The following KAZN variants were observed in gnomAD, a reference collection of about 807,000 sequenced individuals.
KAZN encodes kazrin, periplakin interacting protein.
KAZN carries 40 observed loss-of-function variants against 87.4 expected under a neutral mutation model. The observed-to-expected ratio is 0.46, with a 90% CI of 0.36 to 0.60. The LOEUF (loss-of-function observed/expected upper bound fraction) is 0.60, where lower values mean the gene tolerates loss of function less well. Ranked by LOEUF, KAZN falls within the 20% of genes least tolerant of loss-of-function variation. KAZN has a pLI of 0.00. For synonymous variants in KAZN, 466 were observed against 458.3 expected, an observed-to-expected ratio of 1.02 and a Z score of -0.22; for missense variants, 898 against 1,073.9, an observed-to-expected ratio of 0.84 and a Z score of 2.29.
At chr1:14,141,819 A>G (rs1645245956) in intron 1 of KAZN, among the ~76,000 whole-genome samples, 1 of 152,194 alleles carries the variant, frequency 6.6e-6, no homozygotes, top group Non-Finnish European at 1.5e-5. Context: ...ACATCTGTGC[A>G]TGGATAATGG....
intron 2 of KAZN, among the ~76,000 whole-genome samples, chr1:14,242,445 GAGAA>G (rs796233342): frequency 4.9e-4 from 75 of 152,198 alleles, no homozygotes; most frequent in African/African-American, 1.7e-3. Context: ...TAAGGTGAAA[GAGAA>G]AGAAAAACAC....
Position 14,271,911 on chromosome 1 carries a change from G to A in KAZN, c.249+91319G>A, listed in dbSNP as rs140026781. 5.1e-4 allele frequency among the ~76,000 whole-genome samples: 77 copies of A among 152,306 alleles called. 1 individual carries two copies. In the South Asian group the frequency reaches 0.014, roughly 27 times the overall value. ...GAATTCCCATGTAAGGGACTATAGC[G>A]TGAAGGCACATCCCAAAATATGTCT... On this transcript the variant is annotated intron_variant, in intron 2 of 16. Coordinates refer to the KAZN transcript ENST00000636203.
chr1:15,113,931 G>A (rs1170429937), intron 14 of KAZN: 1 of 152,596 alleles, frequency 6.6e-6, no homozygotes, highest in East Asian at 1.9e-4. Context: ...TTTTGTAGCT[G>A]AGAAAAATGG....
At chr1:13,940,040 A>C (rs762062526) in intron 1 of KAZN, among the ~76,000 whole-genome samples, 2 of 152,148 alleles carry the variant, frequency 1.3e-5, no homozygotes, top group Non-Finnish European at 2.9e-5. Context: ...ATTCAACATG[A>C]GATTTAGAGG....
chr1:14,418,801 C>T (rs1258433882), intron 2 of KAZN, among the ~76,000 whole-genome samples: 2 of 152,188 alleles, frequency 1.3e-5, no homozygotes, highest in African/African-American at 4.8e-5. Context: ...TGAAATTCGC[C>T]TACAGAGAAT....
chr1:14,610,681 ATT>A (rs58010755), intron 1 of KAZN, among the ~76,000 whole-genome samples: 5 of 144,906 alleles, frequency 3.5e-5, no homozygotes, highest in Admixed American at 6.9e-5. Flanking sequence ...CCTGTGGAGA[ATT>A]TTTTTTTTTT....
At chr1:14,119,757 C>G (rs116113040) in intron 1 of KAZN, among the ~76,000 whole-genome samples, 3,356 of 152,256 alleles carry the variant, frequency 0.022, 65 homozygotes, top group Non-Finnish European at 0.031. Context: ...AAAGGACTCT[C>G]AGGCCAAATA....
intron 1 of KAZN, among the ~76,000 whole-genome samples, chr1:14,621,555 CAAGAA>C (rs1304939888): frequency 1.3e-5 from 2 of 152,258 alleles, no homozygotes; most frequent in Middle Eastern, 3.4e-3. Flanking sequence ...AGACAGAAGA[CAAGAA>C]AATAGCAAGC....
intron 1 of KAZN, among the ~76,000 whole-genome samples, chr1:13,983,376 C>T (rs536516132): frequency 6.6e-6 from 1 of 152,366 alleles, no homozygotes; most frequent in South Asian, 2.1e-4. Flanking sequence ...GCTGGGGGAC[C>T]CAGTACACTC....
Position 14,868,306 on chromosome 1 carries a change from A to G in KAZN, c.227-92378A>G, listed in dbSNP as rs533885638. On this transcript the variant is annotated intron_variant, in intron 1 of 14. Coordinates refer to ENST00000376030, the MANE Select transcript of KAZN (RefSeq NM_201628.3). ...TGGAGGGGAACTGTTCTTAGACCCA[A>G]TGGCTGTCTTTACTACTAATTGCTA... 4.6e-5 allele frequency among the ~76,000 whole-genome samples: 7 copies of G among 152,340 alleles called. No individual in the cohort carries two copies. The East Asian group carries it at 1.3e-3, about 29-fold the overall frequency.
intron 2 of KAZN, among the ~76,000 whole-genome samples, chr1:14,182,378 A>T (rs1409199632): frequency 6.6e-6 from 1 of 152,178 alleles, no homozygotes; most frequent in Non-Finnish European, 1.5e-5. Context: ...GCCTCCTAAC[A>T]TTCCAAGATT....
chr1:14,941,031 T>C (rs1661015771), intron 1 of KAZN, among the ~76,000 whole-genome samples: 1 of 148,164 alleles, frequency 6.7e-6, no homozygotes, highest in African/African-American at 2.5e-5. Flanking sequence ...TTCTCCTGCC[T>C]CGGCTTCCCA....
intron 2 of KAZN, among the ~76,000 whole-genome samples, chr1:14,393,560 G>A (rs527828284): frequency 2.0e-5 from 3 of 152,182 alleles, no homozygotes; most frequent in East Asian, 3.9e-4. Flanking sequence ...GTAGCCTCAC[G>A]AAGAGTTTGC....
chr1:14,408,712 G>C (rs2101176177), intron 2 of KAZN, among the ~76,000 whole-genome samples: 1 of 152,254 alleles, frequency 6.6e-6, no homozygotes, highest in South Asian at 2.1e-4. Flanking sequence ...GATCATGTTG[G>C]GAGTTATAGC....
chr1:14,045,272 T>C (rs1360873205), intron 1 of KAZN, among the ~76,000 whole-genome samples: 1 of 152,150 alleles, frequency 6.6e-6, no homozygotes, highest in Non-Finnish European at 1.5e-5. Flanking sequence ...GAACAGGAAA[T>C]GTATCCAGTG....
chr1:14,360,527 G>A (rs940012226), intron 2 of KAZN, among the ~76,000 whole-genome samples: 3 of 152,012 alleles, frequency 2.0e-5, no homozygotes, highest in Admixed American at 6.5e-5. Flanking sequence ...AGGCATTCTG[G>A]TTTTTGGAAT....
At chr1:14,579,676 T>C (rs540205121) in intron 2 of KAZN, among the ~76,000 whole-genome samples, 12 of 152,180 alleles carry the variant, frequency 7.9e-5, no homozygotes, top group African/African-American at 2.4e-4. Context: ...GCATACTATT[T>C]GACCACTGCT....
At chr1:15,060,410 G>A in intron 6 of KAZN, 108 bp downstream of exon 6, 1 of 1,394,940 alleles carries the variant, frequency 7.2e-7, no homozygotes, top group Non-Finnish European at 1.0e-6. Context: ...GTCCACCCAG[G>A]GAGCACTCTG....
At chr1:14,378,138 G>C (rs1001301456) in intron 2 of KAZN, among the ~76,000 whole-genome samples, 1 of 152,120 alleles carries the variant, frequency 6.6e-6, no homozygotes, top group African/African-American at 2.4e-5. Context: ...CAGTGAACTA[G>C]GTCCCATATG....
Sources: allele counts gnomAD v4.1 joint callset (sites outside exome capture counted in the v4.1 genomes callset), GRCh38; gene constraint gnomAD v4.1.1; transcripts MANE v1.5; gene names NCBI Gene and HGNC (gene_info 2026-07-23, HGNC 2026-07-21).